GLIS3: variants seen among roughly 807,000 people sequenced by gnomAD.
The protein encoded by GLIS3 is GLIS family zinc finger 3.
In GLIS3, 53 loss-of-function variants were observed where a neutral mutation model predicts 78.6. That is an observed-to-expected ratio of 0.67 (90% CI 0.54 to 0.85). The LOEUF is 0.85. GLIS3 is among the 40% of genes least tolerant of loss of function. GLIS3 has a pLI of 0.00. For missense variants in GLIS3, 1,703 were observed against 1,231.1 expected, an observed-to-expected ratio of 1.38 and a Z score of -5.74; for synonymous variants, 684 against 509.9, an observed-to-expected ratio of 1.34 and a Z score of -4.60.
At chr9:4,453,390 G>C in the GLIS3 span, among the ~76,000 whole-genome samples, 1 of 144,692 alleles carries the variant, frequency 6.9e-6, no homozygotes, top group Admixed American at 7.0e-5. Flanking sequence ...AGAATGAACA[G>C]GCTACCTACA....
At chr9:3,863,827 G>C (rs1232814091) in intron 8 of GLIS3, among the ~76,000 whole-genome samples, 1 of 152,120 alleles carries the variant, frequency 6.6e-6, no homozygotes, top group Non-Finnish European at 1.5e-5. Flanking sequence ...GCAGAGAAGT[G>C]TTATTTTTTT....
chr9:4,007,776 A>C lies in GLIS3; in HGVS notation c.1711-70587T>G, dbSNP rs74718184. On this transcript the variant is annotated intron_variant, in intron 4 of 10. Transcript: ENST00000381971. ...GTGTATCTGGAGCACATAAATCAAG[A>C]AGTACATATGTGCTCTCTTGCTTTG... Among the ~76,000 whole-genome samples, 609 of 152,064 alleles carry C rather than the reference A, an allele frequency of 4.0e-3. 7 individuals carry two copies. Among genetic ancestry groups the C allele is most frequent in the African/African-American group, 0.014 (589 of 41,458 alleles).
At chr9:4,354,978 T>A in the GLIS3 span, among the ~76,000 whole-genome samples, 1 of 151,092 alleles carries the variant, frequency 6.6e-6, no homozygotes, top group Admixed American at 6.6e-5. Context: ...TACCCAGGCG[T>A]GGTGGCGGGT....
At chr9:4,352,227 C>A (rs1279641770), upstream of GLIS3, among the ~76,000 whole-genome samples, 6 of 152,208 alleles carry the variant, frequency 3.9e-5, no homozygotes, top group African/African-American at 1.2e-4. Context: ...TCAGGCGACA[C>A]CCAGTTGTGT....
intron 2 of GLIS3, chr9:4,347,021 G>C (rs1421280738): frequency 6.6e-6 from 1 of 152,092 alleles, no homozygotes; most frequent in Non-Finnish European, 1.5e-5. Context: ...ATTTTGTATT[G>C]CTATAAAGAA....
chr9:4,349,529 C>G (rs1465560208), upstream of GLIS3, among the ~76,000 whole-genome samples: 2 of 152,008 alleles, frequency 1.3e-5, no homozygotes, highest in Admixed American at 1.3e-4. Flanking sequence ...AGAAAAAAAT[C>G]CCTGTATGCT....
At chr9:4,422,531 C>A in the GLIS3 span, among the ~76,000 whole-genome samples, 1 of 152,220 alleles carries the variant, frequency 6.6e-6, no homozygotes, top group Non-Finnish European at 1.5e-5. Flanking sequence ...TGGAAAATAT[C>A]ACATTCTGCT....
At chr9:3,844,857 G>A (rs558652440) in intron 9 of GLIS3, among the ~76,000 whole-genome samples, 1 of 152,274 alleles carries the variant, frequency 6.6e-6, no homozygotes, top group African/African-American at 2.4e-5. Flanking sequence ...ATTAAAGCAA[G>A]TCACCAATCT....
At chr9:3,848,100 G>C (rs1326218724) in intron 9 of GLIS3, among the ~76,000 whole-genome samples, 1 of 152,168 alleles carries the variant, frequency 6.6e-6, no homozygotes, top group Non-Finnish European at 1.5e-5. Flanking sequence ...TAAGTTCTAA[G>C]CAATACAATT....
intron 6 of GLIS3, among the ~76,000 whole-genome samples, chr9:3,905,140 A>ATTTTTTTTTTTTT (rs369063136): frequency 1.8e-5 from 2 of 109,124 alleles, no homozygotes; most frequent in East Asian, 2.8e-4. Flanking sequence ...GCCCGGTTAA[A>ATTTTTTTTTTTTT]TTTTTTTCTT....
At chr9:4,296,812 G>C (rs1239603391) in intron 1 of GLIS3, among the ~76,000 whole-genome samples, 1 of 150,422 alleles carries the variant, frequency 6.6e-6, no homozygotes, top group Non-Finnish European at 1.5e-5. Context: ...TAGCCTCAGA[G>C]CTAGTCTGGC....
chr9:4,152,935 C>T (rs1834788650), intron 2 of GLIS3, among the ~76,000 whole-genome samples: 1 of 152,180 alleles, frequency 6.6e-6, no homozygotes, highest in Non-Finnish European at 1.5e-5. Flanking sequence ...TCCTAACTTT[C>T]TTATAGGTTG....
intron 2 of GLIS3, among the ~76,000 whole-genome samples, chr9:4,180,625 G>C (rs1165398332): frequency 6.6e-6 from 1 of 152,136 alleles, no homozygotes; most frequent in African/African-American, 2.4e-5. Flanking sequence ...TGTCCATCCT[G>C]CTCCATGAGA....
chr9:4,244,273 C>T (rs186649163), intron 2 of GLIS3, among the ~76,000 whole-genome samples: 7 of 152,356 alleles, frequency 4.6e-5, no homozygotes, highest in African/African-American at 1.7e-4. Flanking sequence ...AGTAAATACA[C>T]TTGGCTAGGA....
chr9:4,087,635 T>G (rs1000012966), intron 4 of GLIS3, among the ~76,000 whole-genome samples: 7 of 152,106 alleles, frequency 4.6e-5, no homozygotes, highest in Non-Finnish European at 1.0e-4. Flanking sequence ...AACACCCACA[T>G]GAAAAGTTAA....
chr9:4,450,885 C>G, the GLIS3 span, among the ~76,000 whole-genome samples: 1 of 152,204 alleles, frequency 6.6e-6, no homozygotes. Flanking sequence ...GTACCAGACA[C>G]TGCAAAAACG....
intron 2 of GLIS3, among the ~76,000 whole-genome samples, chr9:4,273,174 A>G (rs1826673665): frequency 6.6e-6 from 1 of 152,220 alleles, no homozygotes; most frequent in African/African-American, 2.4e-5. Flanking sequence ...AAGAATGAAG[A>G]CAGAAATGCA....
intron 2 of GLIS3, among the ~76,000 whole-genome samples, chr9:4,277,792 G>T: frequency 1.3e-5 from 2 of 152,212 alleles, no homozygotes; most frequent in Middle Eastern, 6.8e-3. Flanking sequence ...CTTAAAGTGG[G>T]GATCATAAAG....
At chr9:4,414,594 A>T in the GLIS3 span, among the ~76,000 whole-genome samples, 1 of 152,090 alleles carries the variant, frequency 6.6e-6, no homozygotes, top group African/African-American at 2.4e-5. Flanking sequence ...GTCATTCTTG[A>T]TCACTGACTA....
Sources: gnomAD v4.1 joint callset for allele counts (sites outside exome capture counted in the v4.1 genomes callset) on GRCh38, gnomAD v4.1.1 for gene constraint, MANE v1.5 for transcripts, NCBI Gene and HGNC (gene_info 2026-07-23, HGNC 2026-07-21) for gene names.